Variants in ATP8A2 observed in about 807,000 individuals in gnomAD.
The protein encoded by ATP8A2 is ATPase phospholipid transporting 8A2.
Under a neutral mutation model 165.6 loss-of-function variants are expected in ATP8A2, and 100 were observed. That is an observed-to-expected ratio of 0.60 (90% CI 0.51 to 0.71). ATP8A2 has a LOEUF of 0.71. ATP8A2 is among the 30% of genes least tolerant of loss of function. The pLI is 0.00. For missense variants in ATP8A2, 1,227 were observed against 1,479.5 expected, an observed-to-expected ratio of 0.83 and a Z score of 2.80; for synonymous variants, 543 against 548.8, an observed-to-expected ratio of 0.99 and a Z score of 0.15.
intron 24 of ATP8A2, among the ~76,000 whole-genome samples, chr13:25,675,266 A>G (rs567951278): frequency 1.3e-5 from 2 of 152,176 alleles, no homozygotes; most frequent in Non-Finnish European, 2.9e-5. Context: ...GGTGGAGGAA[A>G]CCATGTTGAA....
chr13:25,662,233 T>G (rs1393672227), intron 24 of ATP8A2, among the ~76,000 whole-genome samples: 1 of 152,206 alleles, frequency 6.6e-6, no homozygotes, highest in Non-Finnish European at 1.5e-5. Flanking sequence ...ACATTTACTC[T>G]CATTACTTGC....
intron 24 of ATP8A2, among the ~76,000 whole-genome samples, chr13:25,655,318 C>T (rs1278948350): frequency 6.6e-6 from 1 of 152,152 alleles, no homozygotes; most frequent in Non-Finnish European, 1.5e-5. Context: ...TGCCACCACG[C>T]CTGGCTAATT....
intron 16 of ATP8A2, among the ~76,000 whole-genome samples, chr13:25,564,310 T>C (rs2039249272): frequency 6.6e-6 from 1 of 152,220 alleles, no homozygotes; most frequent in Non-Finnish European, 1.5e-5. Context: ...TGGCTGTTGC[T>C]TTGTAAAATT....
chr13:25,833,716 TA>T (rs1951534913), intron 28 of ATP8A2, among the ~76,000 whole-genome samples: 1 of 152,016 alleles, frequency 6.6e-6, no homozygotes, highest in African/African-American at 2.4e-5. Context: ...ATGTGGAAAA[TA>T]AAATAGTAAA....
chr13:25,606,961 C>CACGAAA (rs1349033114), intron 24 of ATP8A2, among the ~76,000 whole-genome samples: 2 of 152,054 alleles, frequency 1.3e-5, no homozygotes, highest in Non-Finnish European at 2.9e-5. Context: ...TGGTCCATGG[C>CACGAAA]CTGTTAGGAA....
chr13:25,591,460 A>G, intron 24 of ATP8A2: 1 of 430,376 alleles, frequency 2.3e-6, no homozygotes, highest in South Asian at 1.7e-5. Flanking sequence ...TTCAAGGTTC[A>G]TCCATATCGG....
intron 33 of ATP8A2, among the ~76,000 whole-genome samples, chr13:25,864,115 C>A (rs1952434258): frequency 2.0e-5 from 3 of 152,230 alleles, no homozygotes; most frequent in Non-Finnish European, 4.4e-5. Context: ...GCTTTGTGTT[C>A]TCTTCCTTCT....
chr13:25,735,228 C>T (rs1186443402), intron 25 of ATP8A2, among the ~76,000 whole-genome samples: 2 of 152,078 alleles, frequency 1.3e-5, no homozygotes, highest in African/African-American at 4.8e-5. Context: ...GTCATATCTT[C>T]GAGGACACTG....
At chr13:25,973,471 A>C (rs1478268252) in intron 35 of ATP8A2, among the ~76,000 whole-genome samples, 1 of 152,170 alleles carries the variant, frequency 6.6e-6, no homozygotes, top group South Asian at 2.1e-4. Flanking sequence ...GCCGAAAAAT[A>C]GGAACAGAGC....
chr13:25,438,414 A>G lies in ATP8A2; in HGVS notation c.77-30563A>G, dbSNP rs147526339. ...ATCCCAGCACTTTGAGAGGCCAAGG[A>G]GGGAGGATTGCTTGAGGCCAGGAGT... is the stretch of plus-strand genomic sequence containing the variant. On this transcript the variant is annotated intron_variant, in intron 1 of 36. Coordinates refer to ENST00000381655, the MANE Select transcript of ATP8A2 (RefSeq NM_016529.6). Among the ~76,000 whole-genome samples, 720 of 152,224 alleles carry G rather than the reference A, an allele frequency of 4.7e-3. 2 individuals carry two copies. The highest frequency in any genetic ancestry group is 9.2e-3 in the African/African-American group (382 of 41,534).
At position 25,817,355 on chromosome 13, in the gene ATP8A2, G is replaced by C. The variant is rs115307294; in HGVS notation, c.2680-10763G>C. ...GTCGGTATTATGGTCTTTTATGGGG[G>C]GGGGGGGAAACACGATTTTGTGTTT... On this transcript the variant is annotated intron_variant, in intron 27 of 36. Coordinates refer to ENST00000381655, the MANE Select transcript of ATP8A2 (RefSeq NM_016529.6). Among the ~76,000 whole-genome samples the C allele has an allele frequency of 8.1e-3, 1,010 of 124,668 alleles. 17 individuals are homozygous for C. The highest frequency in any genetic ancestry group is 0.012 in the Non-Finnish European group (658 of 54,098). The allele number at this position is 124,668 out of a possible 152,430, so 81.8% of individuals were successfully genotyped here.
In ATP8A2 at chr13:25,555,040, C is replaced by T. The variant is rs1200973437; in HGVS notation, c.1235C>T (p.Thr412Ile). The T allele has an allele frequency of 1.2e-6, 2 of 1,612,970 alleles. No individual in the cohort carries two copies. Among genetic ancestry groups the T allele is most frequent in the African/African-American group, 1.3e-5 (1 of 74,984 alleles). Reference sequence around the variant, plus strand: ...AATGACACTCCTGCCATGGCCAGGACATCAAACCTTAATGAAGAGCTTGGG... The same window carrying T: ...AATGACACTCCTGCCATGGCCAGGATATCAAACCTTAATGAAGAGCTTGGG... ...IGNDTPAMARTSNLNEELGQV... is the reference protein window; with the variant it reads ...IGNDTPAMARISNLNEELGQV... The change falls in exon 13 of 37, where the codon ACA (threonine) becomes ATA (isoleucine). Residue 412 changes from threonine (T) to isoleucine (I), a missense_variant. By Grantham distance (89) the Thr-to-Ile change is moderately conservative. Coordinates refer to ENST00000381655, the MANE Select transcript of ATP8A2 (RefSeq NM_016529.6).
At chr13:25,928,209 T>G (rs1057118129) in intron 33 of ATP8A2, among the ~76,000 whole-genome samples, 1 of 152,188 alleles carries the variant, frequency 6.6e-6, no homozygotes, top group Admixed American at 6.5e-5. Context: ...GGGCCTGTGT[T>G]AGGGAAGAGG....
intron 25 of ATP8A2, among the ~76,000 whole-genome samples, chr13:25,765,910 C>T (rs543932270): frequency 3.9e-5 from 6 of 152,262 alleles, no homozygotes; most frequent in South Asian, 2.1e-4. Flanking sequence ...TGAGATTTTC[C>T]GACCCCTGCA....
chr13:25,623,816 T>A (rs77301999), intron 24 of ATP8A2, among the ~76,000 whole-genome samples: 2,935 of 152,116 alleles, frequency 0.019, 101 homozygotes, highest in African/African-American at 0.066. Flanking sequence ...TAGATGAGCA[T>A]AAATGCATAA....
intron 25 of ATP8A2, among the ~76,000 whole-genome samples, chr13:25,745,990 A>G (rs1055993423): frequency 1.3e-5 from 2 of 152,210 alleles, no homozygotes; most frequent in Admixed American, 1.3e-4. Flanking sequence ...TGTTTTCACC[A>G]CACTCCAGAT....
chr13:25,538,967 A>G (rs2038376035), intron 7 of ATP8A2, among the ~76,000 whole-genome samples: 1 of 152,132 alleles, frequency 6.6e-6, no homozygotes, highest in Non-Finnish European at 1.5e-5. Flanking sequence ...ATATTGATTG[A>G]CAACAAAGAA....
intron 24 of ATP8A2, among the ~76,000 whole-genome samples, chr13:25,597,357 A>G (rs1008206943): frequency 2.4e-4 from 37 of 152,350 alleles, no homozygotes; most frequent in African/African-American, 7.7e-4. Context: ...TAACCAGTAG[A>G]ATATGGCAAA....
At chr13:25,485,948 A>T (rs937687503) in intron 2 of ATP8A2, among the ~76,000 whole-genome samples, 5 of 152,204 alleles carry the variant, frequency 3.3e-5, no homozygotes, top group African/African-American at 1.2e-4. Context: ...CTCAACAAAA[A>T]TTTAAATGAG....
Sources: gnomAD v4.1 joint callset for allele counts (sites outside exome capture counted in the v4.1 genomes callset) on GRCh38, gnomAD v4.1.1 for gene constraint, MANE v1.5 for transcripts, NCBI Gene and HGNC (gene_info 2026-07-23, HGNC 2026-07-21) for gene names.